Variants in SCN9A observed in about 807,000 individuals in gnomAD.
SCN9A encodes the protein sodium channel protein type 9 subunit alpha.
In SCN9A, 131 loss-of-function variants were observed where a neutral mutation model predicts 187.0. That is an observed-to-expected ratio of 0.70 (90% confidence interval 0.61 to 0.81). SCN9A has a LOEUF of 0.81. Ranked by LOEUF, SCN9A falls within the 30% of genes least tolerant of loss-of-function variation. SCN9A has a pLI of 0.00. For missense variants in SCN9A, 2,252 were observed against 2,396.6 expected, an observed-to-expected ratio of 0.94 and a Z score of 1.26; for synonymous variants, 809 against 808.6, an observed-to-expected ratio of 1.00 and a Z score of -0.01.
In SCN9A at chr2:166,239,438, G is replaced by A. The variant is rs901146152; in HGVS notation, c.3628-1171C>T. Among the ~76,000 whole-genome samples, 4 of 152,128 alleles carry A rather than the reference G, an allele frequency of 2.6e-5. No homozygotes were observed. The South Asian group carries it at 6.2e-4, about 24-fold the overall frequency. On this transcript the variant is annotated intron_variant, in intron 19 of 26. Coordinates refer to ENST00000642356, the MANE Select transcript of SCN9A (RefSeq NM_001365536.1). ...GCCATTCAGATTCTTCTTATTCTAC[G>A]TTCTGCTTTCAATACTCTAAAATTA...
At chr2:166,351,350 G>A (rs566730224) in intron 1 of SCN9A, among the ~76,000 whole-genome samples, 55 of 152,302 alleles carry the variant, frequency 3.6e-4, no homozygotes, top group African/African-American at 1.3e-3. Flanking sequence ...TCCTGCAACT[G>A]AGCTGAGGAA....
chr2:166,240,962 T>A (rs945974753), intron 19 of SCN9A, among the ~76,000 whole-genome samples: 1 of 152,106 alleles, frequency 6.6e-6, no homozygotes, highest in Admixed American at 6.6e-5. Flanking sequence ...TCATTCAGGC[T>A]CATATAATGC....
intron 17 of SCN9A, 162 bp from the exon 18 acceptor site, chr2:166,252,047 A>G: frequency 1.5e-6 from 1 of 674,144 alleles, no homozygotes; most frequent in Non-Finnish European, 2.5e-6. Context: ...AGGTCAAGTA[A>G]CCTTAAATGT....
At chr2:166,281,418 T>C (rs1481684642) in intron 13 of SCN9A, among the ~76,000 whole-genome samples, 1 of 152,210 alleles carries the variant, frequency 6.6e-6, no homozygotes, top group Non-Finnish European at 1.5e-5. Context: ...AACATCTGTC[T>C]TTGTGGGTTT....
intron 14 of SCN9A, among the ~76,000 whole-genome samples, chr2:166,279,650 G>T (rs1697388557): frequency 6.6e-6 from 1 of 151,978 alleles, no homozygotes; most frequent in Non-Finnish European, 1.5e-5. Flanking sequence ...TGTTTTTAAA[G>T]CTTGTTTCAT....
intron 1 of SCN9A, among the ~76,000 whole-genome samples, chr2:166,343,153 G>A (rs536744845): frequency 1.3e-5 from 2 of 151,870 alleles, no homozygotes; most frequent in African/African-American, 2.4e-5. Context: ...AAAGAGCACC[G>A]ATTTTTTTGT....
chr2:166,348,251 A>C (rs1699951020), intron 1 of SCN9A, among the ~76,000 whole-genome samples: 1 of 152,178 alleles, frequency 6.6e-6, no homozygotes, highest in Admixed American at 6.5e-5. Flanking sequence ...CATTAAAAAA[A>C]AAAAATGACA....
chr2:166,198,554 C>G lies in SCN9A; in HGVS notation c.*118G>C. On this transcript the variant is annotated 3_prime_UTR_variant, in exon 27 of 27. Transcript: ENST00000642356. ...CTTAGGAAATCAGAGTTAGTGACTGCACTGCCTTCGAGAATATTTTGATAA... is the reference window on the plus strand; with the variant it reads ...CTTAGGAAATCAGAGTTAGTGACTGGACTGCCTTCGAGAATATTTTGATAA... 4.0e-6 allele frequency: 3 copies of G among 744,776 alleles called. No homozygotes were observed. Among genetic ancestry groups the G allele is most frequent in the Non-Finnish European group, 6.4e-6 (3 of 468,428 alleles). 46.1% of individuals were successfully genotyped at this position (744,776 alleles called of 1,614,324 possible).
Position 166,204,173 on chromosome 2 carries a change from A to T in SCN9A, c.4556T>A (p.Ile1519Asn). The T allele has an allele frequency of 6.2e-7, 1 of 1,612,314 alleles. No individual in the cohort carries two copies. ...FDLVTNQAFD[I>N]SIMVLICLNM... ...GAGACAGATAAGAACCATGATACTA[A>T]TATCAAAGGCTTGATTTGTCACTAG... is the stretch of plus-strand genomic sequence containing the variant. The change falls in exon 26 of 27, where the codon ATT becomes AAT. Residue 1519 changes from isoleucine to asparagine, a missense_variant. Transcript: ENST00000642356.
At chr2:166,277,453 T>A in intron 15 of SCN9A, 114 bp from the exon 16 acceptor site, 1 of 630,270 alleles carries the variant, frequency 1.6e-6, no homozygotes, top group Non-Finnish European at 2.7e-6. Flanking sequence ...ATATTGTCAT[T>A]ATTATCCAGC....
intron 24 of SCN9A, among the ~76,000 whole-genome samples, chr2:166,208,006 A>G (rs1302698052): frequency 6.6e-6 from 1 of 152,238 alleles, no homozygotes; most frequent in African/African-American, 2.4e-5. Context: ...TCCCCTAATG[A>G]TATCCTGGTT....
In SCN9A at chr2:166,280,609, G is replaced by A. The variant is rs6432893; in HGVS notation, c.2105-14C>T. The A allele has an allele frequency of 0.49, 731,509 of 1,494,214 alleles. 182,629 individuals carry two copies. The highest frequency in any genetic ancestry group is 0.76 in the African/African-American group (54,678 of 72,008). 92.6% of individuals were successfully genotyped at this position (1,494,214 alleles called of 1,614,324 possible). ...ACTCTTCAAGTTCTGGGAGAAAAAAGCAGAGAACATGGAGTCAGCCATTTG... is the reference window on the plus strand; with the variant it reads ...ACTCTTCAAGTTCTGGGAGAAAAAAACAGAGAACATGGAGTCAGCCATTTG... On this transcript the variant is annotated splice_polypyrimidine_tract_variant and intron_variant, in intron 13 of 26. Transcript: ENST00000642356.
chr2:166,199,475 G>T lies in SCN9A; in HGVS notation c.5164C>A (p.Pro1722Thr). 1.2e-6 allele frequency: 2 copies of T among 1,614,144 alleles called. No homozygotes were observed. Among genetic ancestry groups the T allele is most frequent in the African/African-American group, 1.3e-5 (1 of 75,022 alleles). The change falls in exon 27 of 27, where the codon CCT becomes ACT. Residue 1722 changes from proline to threonine, a missense_variant. Coordinates refer to ENST00000642356, the MANE Select transcript of SCN9A (RefSeq NM_001365536.1). Reference sequence around the variant, plus strand: ...CAGTCTCCTTCAACTGAACTTCCAGGATGAACTTTTTTTGGGTCACAGTCG... The same window carrying T: ...CAGTCTCCTTCAACTGAACTTCCAGTATGAACTTTTTTTGGGTCACAGTCG... ...PPDCDPKKVH[P>T]GSSVEGDCGN... is the part of the protein sequence containing the mutation.
chr2:166,222,956 A>AC (rs1558960882), intron 24 of SCN9A, among the ~76,000 whole-genome samples: 18 of 145,064 alleles, frequency 1.2e-4, no homozygotes, highest in South Asian at 4.4e-4. Context: ...AAAAAAAAAA[A>AC]AAAAAAAAAA....
chr2:166,365,289 A>T (rs1700387873), intron 1 of SCN9A, among the ~76,000 whole-genome samples: 2 of 152,216 alleles, frequency 1.3e-5, no homozygotes, highest in Non-Finnish European at 2.9e-5. Flanking sequence ...ATATACATGC[A>T]TGTACATATA....
At chr2:166,258,333 A>G (rs1696365431) in intron 17 of SCN9A, among the ~76,000 whole-genome samples, 1 of 151,508 alleles carries the variant, frequency 6.6e-6, no homozygotes, top group African/African-American at 2.4e-5. Flanking sequence ...GATTTATAAT[A>G]TGCTCTATCT....
At chr2:166,274,003 C>T (rs1459412590) in intron 16 of SCN9A, among the ~76,000 whole-genome samples, 10 of 152,086 alleles carry the variant, frequency 6.6e-5, no homozygotes, top group Non-Finnish European at 1.5e-5. Flanking sequence ...TGCTAAAAAT[C>T]CCTGAAATGG....
intron 9 of SCN9A, among the ~76,000 whole-genome samples, chr2:166,289,071 T>A (rs1055065576): frequency 6.6e-6 from 1 of 152,152 alleles, no homozygotes; most frequent in Admixed American, 6.6e-5. Flanking sequence ...GATGGTCTTA[T>A]TTAATTACTT....
chr2:166,277,438 C>T (rs527309929), intron 15 of SCN9A, 99 bp from the exon 16 acceptor site: 1 of 701,010 alleles, frequency 1.4e-6, no homozygotes, highest in Admixed American at 2.9e-5. Flanking sequence ...ACTTTAAGTC[C>T]TATAATATTG....
Sources: allele counts gnomAD v4.1 joint callset (sites outside exome capture counted in the v4.1 genomes callset), GRCh38; gene constraint gnomAD v4.1.1; transcripts MANE v1.5; gene names NCBI Gene and HGNC (gene_info 2026-07-23, HGNC 2026-07-21).